The following CABP2 variants were observed in gnomAD, a reference collection of about 807,000 sequenced individuals.
CABP2 encodes the protein calcium-binding protein 2.
Under a neutral mutation model 28.6 loss-of-function variants are expected in CABP2, and 25 were observed. The ratio of observed to expected loss-of-function variants is 0.87; its 90% CI spans 0.64 to 1.22. CABP2 has a LOEUF of 1.22. Ranked by LOEUF, CABP2 falls within the 50% of genes most tolerant of loss-of-function variation. The pLI is 0.00. For synonymous variants in CABP2, 138 were observed against 126.0 expected, an observed-to-expected ratio of 1.09 and a Z score of -0.64; for missense variants, 310 against 312.2, an observed-to-expected ratio of 0.99 and a Z score of 0.05.
At chr11:67,522,930 GA>G (rs1266010594) in intron 1 of CABP2, among the ~76,000 whole-genome samples, 1 of 152,276 alleles carries the variant, frequency 6.6e-6, no homozygotes, top group African/African-American at 2.4e-5. Flanking sequence ...CTGAGGACCA[GA>G]AAAGGCAAGA....
rs370630219 is a variant in CABP2, at chr11:67,520,178, T to C, written c.380-18A>G. The C allele has an allele frequency of 6.4e-7, 1 of 1,564,956 alleles. No homozygotes were observed. Among genetic ancestry groups the C allele is most frequent in the Non-Finnish European group, 8.8e-7 (1 of 1,135,722 alleles). On this transcript the variant is annotated intron_variant, in intron 4 of 6. Transcript: ENST00000294288. ...TCCGCCACCTGGGGGTCCCGTCCAT[T>C]ACAGACCCAGGGCATCAGAGACCCC...
At chr11:67,523,133 C>T in intron 1 of CABP2, 152 bp downstream of exon 1, 1 of 641,944 alleles carries the variant, frequency 1.6e-6, no homozygotes. Context: ...TCAGGATGGC[C>T]AGAGGCTGTG....
intron 4 of CABP2, 21 bp downstream of exon 4, chr11:67,521,004 G>A: frequency 6.2e-7 from 1 of 1,607,870 alleles, no homozygotes; most frequent in South Asian, 1.1e-5. Flanking sequence ...CTGGGGATGG[G>A]GATGGGTCCG....
intron 1 of CABP2, 147 bp from the exon 2 acceptor site, chr11:67,522,863 C>T: frequency 1.5e-6 from 1 of 685,636 alleles, no homozygotes; most frequent in East Asian, 2.9e-5. Flanking sequence ...AGAGGACCCT[C>T]ACCCGTGAAC....
chr11:67,519,584 A>C (rs947865226), intron 6 of CABP2, among the ~76,000 whole-genome samples: 1 of 152,158 alleles, frequency 6.6e-6, no homozygotes, highest in Non-Finnish European at 1.5e-5. Context: ...TTTTTTGCTA[A>C]GTGCCTAGGC....
chr11:67,519,625 T>C (rs980598920), intron 6 of CABP2, among the ~76,000 whole-genome samples, 168 bp downstream of exon 6: 9 of 152,234 alleles, frequency 5.9e-5, no homozygotes, highest in African/African-American at 2.2e-4. Context: ...TTCTCTTGCC[T>C]ATGGGGATAA....
chr11:67,520,826 G>A (rs1866736001), intron 4 of CABP2, among the ~76,000 whole-genome samples, 199 bp downstream of exon 4: 1 of 152,222 alleles, frequency 6.6e-6, no homozygotes, highest in African/African-American at 2.4e-5. Context: ...TGCAGAATGA[G>A]GATCACAGTC....
chr11:67,521,070 A>G lies in CABP2; in HGVS notation c.334T>C (p.Tyr112His). Reference sequence around the variant, plus strand: ...ATGAGCTCCATCTCGGTGGGCATGTAGCCCAGGGTCCGCATGCAGGCACCC... The same window carrying G: ...ATGAGCTCCATCTCGGTGGGCATGTGGCCCAGGGTCCGCATGCAGGCACCC... The part of the protein sequence containing the change: ...ELGACMRTLG[Y>H]MPTEMELIEI... Residue 112 changes from tyrosine (Y) to histidine (H), a missense_variant, in exon 4 of 7, where the codon TAC becomes CAC. Physicochemically the swap from Tyr to His is moderately conservative, Grantham distance 83. Coordinates refer to ENST00000294288, the MANE Select transcript of CABP2 (RefSeq NM_016366.3). 1 of 1,606,646 alleles carries G rather than the reference A, an allele frequency of 6.2e-7. No homozygotes were observed. Among genetic ancestry groups the G allele is most frequent in the Non-Finnish European group, 8.5e-7 (1 of 1,176,524 alleles).
chr11:67,521,667 G>A (rs1866749202), intron 3 of CABP2, among the ~76,000 whole-genome samples: 2 of 152,228 alleles, frequency 1.3e-5, no homozygotes, highest in African/African-American at 4.8e-5. Flanking sequence ...CAGGCACACA[G>A]TGGGCACCCA....
intron 4 of CABP2, among the ~76,000 whole-genome samples, 164 bp downstream of exon 4, chr11:67,520,861 C>G (rs138888900): frequency 6.6e-6 from 1 of 152,342 alleles, no homozygotes; most frequent in East Asian, 1.9e-4. Flanking sequence ...CTCCTAGAAG[C>G]TGGTGAGATT....
At chr11:67,522,998 C>G (rs1401471934) in intron 1 of CABP2, among the ~76,000 whole-genome samples, 1 of 152,236 alleles carries the variant, frequency 6.6e-6, no homozygotes, top group Non-Finnish European at 1.5e-5. Context: ...GTGCCCAGCT[C>G]TGTCTCCTAG....
In CABP2 at chr11:67,522,841, TG is replaced by T. The variant is rs1266211296; in HGVS notation, c.43-126del. The T allele has an allele frequency of 1.2e-5, 10 of 867,426 alleles. No homozygotes were observed. The South Asian group carries it at 1.3e-4, about 11-fold the overall frequency. The allele number at this position is 867,426 out of a possible 1,614,324, so 53.7% of individuals were successfully genotyped here. On this transcript the variant is annotated intron_variant, in intron 1 of 6. Transcript: ENST00000294288. ...CGGCATGGGACAGTAGGGAAGGGGC[TG>T]GGGGGTAGAGAGAGGACCCTCACCC...
chr11:67,522,411 C>T lies in CABP2; in HGVS notation c.213+135G>A. 31 of 905,240 alleles carry T rather than the reference C, an allele frequency of 3.4e-5. No individual in the cohort carries two copies. In the South Asian group the frequency reaches 4.8e-4, roughly 14 times the overall value. 56.1% of individuals were successfully genotyped at this position (905,240 alleles called of 1,614,324 possible). ...CTTTGCTCTGATGTCCCCACTCAAT[C>T]CTCTTCCCCCTAGCTCCAGGAGAGG... On this transcript the variant is annotated intron_variant, in intron 2 of 6. Transcript: ENST00000294288.
chr11:67,520,951 T>C (rs1415634164), intron 4 of CABP2, 74 bp downstream of exon 4: 3 of 1,510,848 alleles, frequency 2.0e-6, no homozygotes, highest in African/African-American at 2.7e-5. Context: ...CCTGTGTACC[T>C]GGACTGCTTG....
intron 1 of CABP2, 112 bp downstream of exon 1, chr11:67,523,173 C>T (rs1866776092): frequency 1.2e-6 from 1 of 801,834 alleles, no homozygotes; most frequent in Admixed American, 2.8e-5. Context: ...CCACCTGGGG[C>T]AGTGGGCAGC....
At position 67,523,318 on chromosome 11, in the gene CABP2, G is replaced by GTTCC. The variant is rs1237527856; in HGVS notation, c.5_8dup (p.Asn3LysfsTer13). On this transcript the variant is annotated frameshift_variant, in exon 1 of 7. Transcript: ENST00000294288. LOFTEE classifies it high-confidence loss of function. ...CCCGGCGCCAGGGCCGCTTGGCACA[G>GTTCC]TTCCCCATGGGCCCTGAACCATGCC... 6.4e-7 allele frequency: 1 copy of GTTCC among 1,554,340 alleles called. No homozygotes were observed. The highest frequency in any genetic ancestry group is 2.4e-5 in the East Asian group (1 of 41,426).
chr11:67,522,318 G>T (rs532726960), intron 2 of CABP2, among the ~76,000 whole-genome samples: 2 of 152,196 alleles, frequency 1.3e-5, no homozygotes, highest in South Asian at 4.2e-4. Context: ...TGTCACTGTT[G>T]ATCTCTCTTC....
Position 67,521,958 on chromosome 11 carries a change from T to C in CABP2, c.238A>G (p.Ile80Val), listed in dbSNP as rs759873671. Residue 80 changes from isoleucine to valine, a missense_variant, in exon 3 of 7, where the codon ATT (isoleucine) becomes GTT (valine). Physicochemically the swap from Ile to Val is conservative, Grantham distance 29 (BLOSUM62 3). Coordinates refer to ENST00000294288, the MANE Select transcript of CABP2 (RefSeq NM_016366.3). Reference sequence around the variant, plus strand: ...TCCTTCTCCAACCCTTTACCTTCAATCTCCTCGGGCCGCAGCTCCCGGTCC... The same window carrying C: ...TCCTTCTCCAACCCTTTACCTTCAACCTCCTCGGGCCGCAGCTCCCGGTCC... ...QLDRELRPEEIEELQVAFQEF... is the reference protein window; with the variant it reads ...QLDRELRPEEVEELQVAFQEF... 7 of 1,424,018 alleles carry C rather than the reference T, an allele frequency of 4.9e-6. No individual in the cohort carries two copies. The Admixed American group carries it at 1.2e-4, about 24-fold the overall frequency. 88.2% of individuals were successfully genotyped at this position (1,424,018 alleles called of 1,614,324 possible).
rs752135273 is a variant in CABP2 at position 67,522,530 on chromosome 11, G to T, written c.213+16C>A. ...GGCAAGGGCAGGCAGGCTGGCGGGC[G>T]GGTGGCCGTACATACGAGTTGGGTG... On this transcript the variant is annotated intron_variant, in intron 2 of 6. Transcript: ENST00000294288. 1.3e-6 allele frequency: 2 copies of T among 1,553,182 alleles called. No individual in the cohort carries two copies. The highest frequency in any genetic ancestry group is 4.9e-5 in the East Asian group (2 of 41,066).
Sources: allele counts gnomAD v4.1 joint callset (sites outside exome capture counted in the v4.1 genomes callset), GRCh38; gene constraint gnomAD v4.1.1; transcripts MANE v1.5; gene names NCBI Gene and HGNC (gene_info 2026-07-23, HGNC 2026-07-21).